Variants in TLK1 observed in about 807,000 individuals in gnomAD.
TLK1 encodes the protein serine/threonine-protein kinase tousled-like 1.
In TLK1, 24 loss-of-function variants were observed where a neutral mutation model predicts 105.3. That is an observed-to-expected ratio of 0.23 (90% CI 0.17 to 0.32). TLK1 has a LOEUF of 0.32. Among genes scored for constraint, TLK1 ranks in the 10% least tolerant of loss-of-function variants. TLK1 has a pLI of 1.00. For synonymous variants in TLK1, 321 were observed against 310.4 expected, an observed-to-expected ratio of 1.03 and a Z score of -0.36; for missense variants, 558 against 910.5, an observed-to-expected ratio of 0.61 and a Z score of 4.98.
chr2:171,122,812 G>A (rs545305891), intron 1 of TLK1, among the ~76,000 whole-genome samples: 17 of 152,154 alleles, frequency 1.1e-4, no homozygotes, highest in African/African-American at 4.1e-4. Flanking sequence ...ACTGAGGAGG[G>A]CGGATCACTT....
intron 1 of TLK1, among the ~76,000 whole-genome samples, chr2:171,175,799 G>A (rs1286016484): frequency 6.6e-6 from 1 of 152,100 alleles, no homozygotes; most frequent in Admixed American, 6.5e-5. Context: ...TACCTCCCAT[G>A]GACCCTGGTT....
In TLK1 at chr2:171,188,623, G is replaced by T. The variant is rs773372925; in HGVS notation, c.-6+42522C>A. On this transcript the variant is annotated intron_variant, in intron 1 of 20. Transcript: ENST00000521943. ...TGGGAGGCTGAGGCAGGAGAATCAC[G>T]TGAACCTGGGGAGGCAGAGGTTGCA... Among the ~76,000 whole-genome samples, 12 of 150,002 alleles carry T rather than the reference G, an allele frequency of 8.0e-5. 1 individual carries two copies. Among genetic ancestry groups the T allele is most frequent in the Non-Finnish European group, 8.9e-5 (6 of 67,572 alleles).
At chr2:171,121,698 A>G (rs549419806) in intron 1 of TLK1, among the ~76,000 whole-genome samples, 4 of 152,212 alleles carry the variant, frequency 2.6e-5, no homozygotes, top group African/African-American at 7.2e-5. Flanking sequence ...CTTTGACTTG[A>G]TAACTGGTTG....
At chr2:170,995,825 C>T (rs1023143715) in intron 20 of TLK1, among the ~76,000 whole-genome samples, 1 of 152,250 alleles carries the variant, frequency 6.6e-6, no homozygotes, top group Middle Eastern at 3.4e-3. Context: ...AGCTCAGCAT[C>T]CTGAGAAGCT....
chr2:171,216,683 A>G (rs1693720941), intron 1 of TLK1, among the ~76,000 whole-genome samples: 2 of 152,132 alleles, frequency 1.3e-5, no homozygotes, highest in Admixed American at 6.5e-5. Flanking sequence ...GGGCCATTAT[A>G]GTTGTAATTA....
chr2:171,164,530 A>G (rs1248975965), upstream of TLK1, among the ~76,000 whole-genome samples: 1 of 152,016 alleles, frequency 6.6e-6, no homozygotes, highest in Non-Finnish European at 1.5e-5. Flanking sequence ...CAAAAAGTTA[A>G]TAATAACTAG....
At chr2:171,186,300 C>T (rs1693023616) in intron 1 of TLK1, among the ~76,000 whole-genome samples, 1 of 152,200 alleles carries the variant, frequency 6.6e-6, no homozygotes, top group Non-Finnish European at 1.5e-5. Flanking sequence ...AACATCTAGC[C>T]TCACACACAC....
At chr2:171,147,027 A>T (rs939216158) in intron 1 of TLK1, among the ~76,000 whole-genome samples, 1 of 152,204 alleles carries the variant, frequency 6.6e-6, no homozygotes, top group Non-Finnish European at 1.5e-5. Flanking sequence ...TAACACCTTG[A>T]TATAGCTTAT....
upstream of TLK1, among the ~76,000 whole-genome samples, chr2:171,161,580 A>G (rs1692502004): frequency 6.6e-6 from 1 of 152,238 alleles, no homozygotes; most frequent in Admixed American, 6.5e-5. Context: ...CCAGTTTTGT[A>G]GACTGTATGG....
At chr2:171,015,947 G>T (rs532939931) in intron 12 of TLK1, among the ~76,000 whole-genome samples, 1 of 151,750 alleles carries the variant, frequency 6.6e-6, no homozygotes, top group African/African-American at 2.4e-5. Context: ...GCGTGGTGGC[G>T]CATGCCTGTA....
At chr2:171,193,923 T>C (rs1693211331) in intron 1 of TLK1, among the ~76,000 whole-genome samples, 1 of 151,728 alleles carries the variant, frequency 6.6e-6, no homozygotes, top group South Asian at 2.1e-4. Flanking sequence ...TTTCACCACG[T>C]TGGCCAGGCT....
intron 11 of TLK1, among the ~76,000 whole-genome samples, chr2:171,029,733 C>A (rs1685948570): frequency 6.6e-6 from 1 of 152,012 alleles, no homozygotes; most frequent in Non-Finnish European, 1.5e-5. Context: ...GAAAAGTAAT[C>A]AGTTTAATGT....
At chr2:171,194,486 A>C (rs910150735) in intron 1 of TLK1, among the ~76,000 whole-genome samples, 4 of 152,168 alleles carry the variant, frequency 2.6e-5, no homozygotes, top group East Asian at 1.9e-4. Flanking sequence ...GTTGAGAAAA[A>C]GTTCAGTGAA....
intron 1 of TLK1, among the ~76,000 whole-genome samples, chr2:171,138,059 T>C (rs746590100): frequency 6.6e-6 from 1 of 152,080 alleles, no homozygotes; most frequent in Non-Finnish European, 1.5e-5. Context: ...AATAAAATTA[T>C]TGAGAACTAA....
chr2:171,134,377 T>C (rs1324119353), intron 1 of TLK1, among the ~76,000 whole-genome samples: 1 of 152,222 alleles, frequency 6.6e-6, no homozygotes, highest in African/African-American at 2.4e-5. Flanking sequence ...ATTATGTTAA[T>C]TTCTTATTTA....
intron 2 of TLK1, among the ~76,000 whole-genome samples, chr2:171,116,697 CA>C (rs71008750): frequency 0.47 from 56,739 of 121,424 alleles, 11,679 homozygotes; most frequent in African/African-American, 0.6. Context: ...GAGACTCCCT[CA>C]AAAAAAAAAA....
At chr2:171,149,099 C>CTTTTTTTTTTT (rs11335300) in intron 1 of TLK1, among the ~76,000 whole-genome samples, 6 of 57,884 alleles carry the variant, frequency 1.0e-4, no homozygotes, top group Admixed American at 2.6e-4. Context: ...AATTACTTTT[C>CTTTTTTTTTTT]TTTTTTTTTT....
chr2:171,019,666 C>T (rs755175978), intron 12 of TLK1, among the ~76,000 whole-genome samples: 13 of 152,104 alleles, frequency 8.5e-5, no homozygotes, highest in African/African-American at 1.2e-4. Context: ...TTATTCTCAG[C>T]GTGCCTATAA....
intron 18 of TLK1, among the ~76,000 whole-genome samples, chr2:171,003,259 G>T (rs1228703646): frequency 9.6e-6 from 1 of 103,854 alleles, no homozygotes; most frequent in East Asian, 3.0e-4. Flanking sequence ...GGGCGACAGA[G>T]CAAGACTCCG....
Sources: gnomAD v4.1 joint callset for allele counts (sites outside exome capture counted in the v4.1 genomes callset) on GRCh38, gnomAD v4.1.1 for gene constraint, MANE v1.5 for transcripts, NCBI Gene and HGNC (gene_info 2026-07-23, HGNC 2026-07-21) for gene names.